Variants in NALF1 observed in about 807,000 individuals in gnomAD.
NALF1 encodes the protein family with sequence similarity 155 member A.
Under a neutral mutation model 48.4 loss-of-function variants are expected in NALF1, and 3 were observed. The ratio of observed to expected loss-of-function variants is 0.06; its 90% CI spans 0.03 to 0.16. NALF1 has a LOEUF of 0.16. Among genes scored for constraint, NALF1 ranks in the 10% least tolerant of loss-of-function variants. The pLI, the probability that NALF1 is intolerant of heterozygous loss-of-function variation, is 1.00. For missense variants in NALF1, 526 were observed against 571.5 expected (o/e 0.92, Z 0.81); for synonymous variants, 262 against 245.7 (o/e 1.07, Z -0.62).
chr13:107,684,141 A>T (rs1881372907), intron 1 of NALF1, among the ~76,000 whole-genome samples: 1 of 152,126 alleles, frequency 6.6e-6, no homozygotes, highest in Non-Finnish European at 1.5e-5. Context: ...CGCAGAATCC[A>T]CCTCTCAGCG....
chr13:107,467,963 G>A (rs1299864649), intron 1 of NALF1, among the ~76,000 whole-genome samples: 1 of 151,826 alleles, frequency 6.6e-6, no homozygotes, highest in Non-Finnish European at 1.5e-5. Flanking sequence ...CAGGAGAATG[G>A]CGTGAACCCG....
chr13:107,823,775 T>G (rs1379619722), intron 1 of NALF1, among the ~76,000 whole-genome samples: 1 of 152,158 alleles, frequency 6.6e-6, no homozygotes, highest in African/African-American at 2.4e-5. Flanking sequence ...CAGCCTGAGT[T>G]TGAGTATTGG....
At chr13:107,605,749 C>T (rs1414404347) in intron 1 of NALF1, among the ~76,000 whole-genome samples, 1 of 152,178 alleles carries the variant, frequency 6.6e-6, no homozygotes, top group Non-Finnish European at 1.5e-5. Context: ...GCAGATTAAA[C>T]AAAGTGGGCT....
At chr13:107,443,169 A>ATCT (rs1555301322) in intron 1 of NALF1, among the ~76,000 whole-genome samples, 1,488 of 128,420 alleles carry the variant, frequency 0.012, 21 homozygotes, top group Admixed American at 0.015. Flanking sequence ...TTTATCTAAC[A>ATCT]ATCTATCTAT....
chr13:107,402,084 G>A (rs1056096060), intron 1 of NALF1, among the ~76,000 whole-genome samples: 3 of 150,924 alleles, frequency 2.0e-5, no homozygotes, highest in African/African-American at 7.4e-5. Flanking sequence ...AAGCTGATGG[G>A]ATGTCCTTTC....
At chr13:107,623,007 T>G (rs1419870964) in intron 1 of NALF1, among the ~76,000 whole-genome samples, 1 of 152,212 alleles carries the variant, frequency 6.6e-6, no homozygotes, top group Non-Finnish European at 1.5e-5. Context: ...TACTCTAGTA[T>G]GTCAAGAACT....
chr13:107,231,769 A>G (rs1880231767), intron 1 of NALF1, among the ~76,000 whole-genome samples: 1 of 152,242 alleles, frequency 6.6e-6, no homozygotes, highest in African/African-American at 2.4e-5. Flanking sequence ...TGGCAGGGCC[A>G]CAGAATATGG....
At chr13:107,448,199 C>T (rs1021865035) in intron 1 of NALF1, among the ~76,000 whole-genome samples, 2 of 152,122 alleles carry the variant, frequency 1.3e-5, no homozygotes, top group African/African-American at 2.4e-5. Context: ...CTCATACCTT[C>T]GATTCCTGGC....
At chr13:107,726,138 T>C (rs1323427588) in intron 1 of NALF1, among the ~76,000 whole-genome samples, 2 of 152,194 alleles carry the variant, frequency 1.3e-5, no homozygotes, top group African/African-American at 4.8e-5. Flanking sequence ...TGATAATTAA[T>C]ACAAAGACAC....
At chr13:107,377,089 A>G (rs1039783960) in intron 1 of NALF1, among the ~76,000 whole-genome samples, 5 of 151,952 alleles carry the variant, frequency 3.3e-5, no homozygotes, top group African/African-American at 1.2e-4. Context: ...AGCAGCTCAC[A>G]CCTCCTGCAG....
At chr13:107,260,153 G>A (rs1880902094) in intron 1 of NALF1, among the ~76,000 whole-genome samples, 1 of 152,166 alleles carries the variant, frequency 6.6e-6, no homozygotes, top group Admixed American at 6.5e-5. Flanking sequence ...GGGTTGTCAT[G>A]TTCATGACTA....
intron 1 of NALF1, among the ~76,000 whole-genome samples, chr13:107,696,373 G>A (rs1881700335): frequency 6.6e-6 from 1 of 152,190 alleles, no homozygotes. Context: ...TTGATAAAGT[G>A]TGATTCAAAT....
intron 1 of NALF1, among the ~76,000 whole-genome samples, chr13:107,685,072 T>C (rs1881401881): frequency 6.6e-6 from 1 of 152,170 alleles, no homozygotes; most frequent in African/African-American, 2.4e-5. Flanking sequence ...CCCAGCACTT[T>C]GGGAGGCCAA....
At chr13:107,234,380 A>C (rs1191412651) in intron 1 of NALF1, among the ~76,000 whole-genome samples, 1 of 152,214 alleles carries the variant, frequency 6.6e-6, no homozygotes. Context: ...AGATTCTGTG[A>C]CAAACAGTGA....
intron 1 of NALF1, among the ~76,000 whole-genome samples, chr13:107,316,089 C>T (rs1404965949): frequency 4.6e-5 from 7 of 151,930 alleles, no homozygotes; most frequent in African/African-American, 1.7e-4. Context: ...GATGTTTCCC[C>T]TCCTGTGTCC....
At chr13:107,556,839 TGAA>T (rs1566392086) in intron 1 of NALF1, among the ~76,000 whole-genome samples, 3 of 151,832 alleles carry the variant, frequency 2.0e-5, no homozygotes, top group African/African-American at 4.8e-5. Flanking sequence ...TGGAATATGA[TGAA>T]GAAGAAAGAC....
At chr13:107,353,665 A>G (rs961413062) in intron 1 of NALF1, among the ~76,000 whole-genome samples, 1 of 152,360 alleles carries the variant, frequency 6.6e-6, no homozygotes, top group Admixed American at 6.5e-5. Context: ...GCCAATGAGG[A>G]CATGTGGCTG....
chr13:107,262,466 T>C (rs942326520), intron 1 of NALF1, among the ~76,000 whole-genome samples: 2 of 152,140 alleles, frequency 1.3e-5, no homozygotes, highest in Non-Finnish European at 1.5e-5. Flanking sequence ...TTTTGGACGA[T>C]GTTGGACGAT....
intron 1 of NALF1, among the ~76,000 whole-genome samples, chr13:107,724,351 A>G (rs1250802239): frequency 6.6e-6 from 1 of 152,240 alleles, no homozygotes; most frequent in African/African-American, 2.4e-5. Flanking sequence ...TGATTAAAAA[A>G]GAAATCACCT....
Sources: allele counts gnomAD v4.1 joint callset (sites outside exome capture counted in the v4.1 genomes callset), GRCh38; gene constraint gnomAD v4.1.1; transcripts MANE v1.5; gene names NCBI Gene and HGNC (gene_info 2026-07-23, HGNC 2026-07-21).